The following MTG1 variants were observed in gnomAD, a reference collection of about 807,000 sequenced individuals.
The protein encoded by MTG1 is mitochondrial ribosome associated GTPase 1.
A neutral mutation model predicts 39.5 loss-of-function variants in MTG1; 30 were observed. The observed-to-expected ratio is 0.76, with a 90% CI of 0.57 to 1.03. MTG1 has a LOEUF of 1.03. MTG1 is among the 50% of genes least tolerant of loss of function. The probability of loss-of-function intolerance (pLI) is 0.00; values close to 1 mark genes in which losing one functional copy is unlikely to be tolerated. For missense variants in MTG1, 513 were observed against 447.4 expected (o/e 1.15, Z -1.32); for synonymous variants, 217 against 179.0 (o/e 1.21, Z -1.69).
At chr10:133,411,351 A>C (rs188724679) in intron 9 of MTG1, among the ~76,000 whole-genome samples, 99 of 152,236 alleles carry the variant, frequency 6.5e-4, no homozygotes, top group African/African-American at 2.2e-3. Context: ...TACTTGTACT[A>C]CTTACTGCTT....
chr10:133,410,255 C>T (rs1332876047), intron 9 of MTG1, among the ~76,000 whole-genome samples: 1 of 152,048 alleles, frequency 6.6e-6, no homozygotes, highest in Non-Finnish European at 1.5e-5. Flanking sequence ...CGAGGTCTTG[C>T]TATGTTGCTG....
Position 133,394,181 on chromosome 10 carries a change from G to A in MTG1, c.-40G>A. ...CAGAGGCGGGTCGCAGCGGCGCAGAGGAGGTCAGCTGCGGGAGCGTTTCCG... is the reference window on the plus strand; with the variant it reads ...CAGAGGCGGGTCGCAGCGGCGCAGAAGAGGTCAGCTGCGGGAGCGTTTCCG... On this transcript the variant is annotated 5_prime_UTR_variant, in exon 1 of 11. Coordinates refer to ENST00000317502, the MANE Select transcript of MTG1 (RefSeq NM_138384.4). 1 of 1,439,268 alleles carries A rather than the reference G, an allele frequency of 6.9e-7. No homozygotes were observed. Among genetic ancestry groups the A allele is most frequent in the East Asian group, 2.8e-5 (1 of 35,838 alleles). The allele number at this position is 1,439,268 out of a possible 1,614,324, so 89.2% of individuals were successfully genotyped here.
chr10:133,394,500 C>T, intron 1 of MTG1, 168 bp downstream of exon 1: 54 of 1,342,908 alleles, frequency 4.0e-5, no homozygotes, highest in Non-Finnish European at 5.0e-5. Context: ...CCCGGAGCCG[C>T]CGGGACCCCT....
chr10:133,397,154 C>T (rs940478470), intron 3 of MTG1, among the ~76,000 whole-genome samples: 8 of 152,250 alleles, frequency 5.3e-5, no homozygotes, highest in African/African-American at 1.9e-4. Context: ...CTGGCTCTGT[C>T]TTTTAGATAG....
Position 133,396,255 on chromosome 10 carries a change from T to C in MTG1, c.270T>C (p.Leu90=). ...TCAACAAGATGGACTTGGCGGATCT[T>C]ACAGAGCAGCAGGTAAAGGCCTTTC... ...LVLNKMDLAD[L]TEQQKIMQHL... Residue 90 remains leucine (L), a synonymous_variant, in exon 3 of 11, where the codon CTT becomes CTC. Coordinates refer to ENST00000317502, the MANE Select transcript of MTG1 (RefSeq NM_138384.4). 6.2e-7 allele frequency: 1 copy of C among 1,614,068 alleles called. No homozygotes were observed.
At chr10:133,401,692 C>G (rs911958350) in intron 7 of MTG1, 102 bp downstream of exon 7, 17 of 1,095,846 alleles carry the variant, frequency 1.6e-5, no homozygotes, top group Non-Finnish European at 2.3e-5. Context: ...CCACGCTTCC[C>G]TCCCCTCCAC....
intron 9 of MTG1, among the ~76,000 whole-genome samples, chr10:133,404,870 G>T (rs962655413): frequency 5.9e-5 from 9 of 152,148 alleles, no homozygotes; most frequent in Non-Finnish European, 4.4e-5. Flanking sequence ...TCTGTTTGTG[G>T]ACTCTAACTG....
At chr10:133,412,177 G>A (rs1183266775) in intron 9 of MTG1, among the ~76,000 whole-genome samples, 1 of 152,078 alleles carries the variant, frequency 6.6e-6, no homozygotes, top group Admixed American at 6.6e-5. Context: ...TATTGCTGGT[G>A]ATATTCTTGG....
chr10:133,401,723 C>T (rs775205355), intron 7 of MTG1, 133 bp downstream of exon 7: 2 of 865,190 alleles, frequency 2.3e-6, no homozygotes, highest in South Asian at 1.4e-5. Flanking sequence ...CGCTGAGCAC[C>T]CCCGGGGCAG....
intron 1 of MTG1, chr10:133,394,870 G>A: frequency 2.3e-6 from 1 of 427,654 alleles, no homozygotes; most frequent in South Asian, 9.6e-5. Context: ...TGTTGTGATG[G>A]CCACTCCTGC....
rs1010777756 is a variant in MTG1 at position 133,422,106 on chromosome 10, G to C, written c.*1941G>C. The C allele has an allele frequency of 6.5e-6, 1 of 152,840 alleles. No individual in the cohort carries two copies. Among genetic ancestry groups the C allele is most frequent in the African/African-American group, 2.4e-5 (1 of 41,452 alleles). The allele number at this position is 152,840 out of a possible 1,614,324, so 9.5% of individuals were successfully genotyped here. On this transcript the variant is annotated 3_prime_UTR_variant, in exon 11 of 11. Coordinates refer to ENST00000317502, the MANE Select transcript of MTG1 (RefSeq NM_138384.4). ...TCGTGACTGTCCAGCGCCACTCCAT[G>C]TCTCTCCTGTCCTTGGATGTTGGGG...
intron 9 of MTG1, among the ~76,000 whole-genome samples, chr10:133,416,012 C>T (rs1334548403): frequency 2.2e-5 from 3 of 136,556 alleles, no homozygotes; most frequent in Non-Finnish European, 4.6e-5. Context: ...AGGCGGGTGT[C>T]GGGCACGTGG....
intron 10 of MTG1, 51 bp downstream of exon 10, chr10:133,419,643 G>T: frequency 6.8e-7 from 1 of 1,474,236 alleles, no homozygotes; most frequent in East Asian, 2.4e-5. Context: ...ATCACCCTGG[G>T]GGACCCCGGC....
At position 133,420,062 on chromosome 10, in the gene MTG1, C is replaced by T. The variant is rs770785080; in HGVS notation, c.902C>T (p.Ala301Val). ...VNIIQPNYPA[A>V]ARDFLQTFRR... Reference sequence around the variant, plus strand: ...ATTATTCAGCCTAACTATCCTGCGGCAGCCCGTGACTTCCTGCAGACTTTC... The same window carrying T: ...ATTATTCAGCCTAACTATCCTGCGGTAGCCCGTGACTTCCTGCAGACTTTC... Residue 301 changes from alanine to valine, a missense_variant, in exon 11 of 11, where the codon GCA becomes GTA. Coordinates refer to ENST00000317502, the MANE Select transcript of MTG1 (RefSeq NM_138384.4). 1.2e-6 allele frequency: 2 copies of T among 1,613,310 alleles called. No individual in the cohort carries two copies. The highest frequency in any genetic ancestry group is 1.3e-5 in the African/African-American group (1 of 75,054).
At chr10:133,401,963 A>C (rs1209703036) in intron 7 of MTG1, 186 bp from the exon 8 acceptor site, 2 of 625,036 alleles carry the variant, frequency 3.2e-6, no homozygotes, top group Non-Finnish European at 5.6e-6. Flanking sequence ...TTTATTCTCC[A>C]AATTAAGTGG....
intron 9 of MTG1, among the ~76,000 whole-genome samples, chr10:133,413,574 T>C (rs1850076185): frequency 6.6e-6 from 1 of 152,204 alleles, no homozygotes; most frequent in Non-Finnish European, 1.5e-5. Flanking sequence ...TGTTTTCTTT[T>C]TTCCTCTCTC....
At chr10:133,398,354 TG>T in intron 3 of MTG1, 80 bp from the exon 4 acceptor site, 1 of 1,393,074 alleles carries the variant, frequency 7.2e-7, no homozygotes, top group Non-Finnish European at 9.9e-7. Flanking sequence ...GAGCCGAGAT[TG>T]TGCTACTGCA....
At chr10:133,395,837 T>C (rs1298280651) in intron 2 of MTG1, 60 bp downstream of exon 2, 12 of 1,543,244 alleles carry the variant, frequency 7.8e-6, no homozygotes, top group Middle Eastern at 1.7e-4. Flanking sequence ...ACATTAGAAT[T>C]ACCTGGGGAG....
chr10:133,398,618 G>A, intron 4 of MTG1, 103 bp downstream of exon 4: 1 of 1,336,518 alleles, frequency 7.5e-7, no homozygotes, highest in Non-Finnish European at 1.0e-6. Context: ...CTTTGGAAAA[G>A]ATCCTAGGTG....
Sources: allele counts gnomAD v4.1 joint callset (sites outside exome capture counted in the v4.1 genomes callset), GRCh38; gene constraint gnomAD v4.1.1; transcripts MANE v1.5; gene names NCBI Gene and HGNC (gene_info 2026-07-23, HGNC 2026-07-21).